HTR1F: variants seen among roughly 807,000 people sequenced by gnomAD.
The protein encoded by HTR1F is 5-hydroxytryptamine receptor 1F.
HTR1F carries 17 observed loss-of-function variants against 24.0 expected under a neutral mutation model. The observed-to-expected ratio is 0.71, with a 90% confidence interval of 0.48 to 1.06. The LOEUF (loss-of-function observed/expected upper bound fraction) is 1.06, where lower values mean the gene tolerates loss of function less well. HTR1F is among the 50% of genes least tolerant of loss of function. The probability of loss-of-function intolerance (pLI) is 0.00; values close to 1 mark genes in which losing one functional copy is unlikely to be tolerated. For missense variants in HTR1F, 391 were observed against 427.8 expected, an observed-to-expected ratio of 0.91 and a Z score of 0.76; for synonymous variants, 186 against 156.8, an observed-to-expected ratio of 1.19 and a Z score of -1.39.
At chr3:87,968,080 A>C (rs1338170389) in intron 2 of HTR1F, among the ~76,000 whole-genome samples, 5 of 152,222 alleles carry the variant, frequency 3.3e-5, no homozygotes, top group Non-Finnish European at 7.3e-5. Flanking sequence ...TGGAGATGAG[A>C]AACTTGTTGG....
At position 87,987,943 on chromosome 3, in the gene HTR1F, T is replaced by C. The variant is rs1576126292; in HGVS notation, c.-42-2765T>C. Among the ~76,000 whole-genome samples the C allele has an allele frequency of 2.0e-5, 3 of 150,576 alleles. No individual in the cohort carries two copies. The East Asian group carries it at 5.8e-4, about 29-fold the overall frequency. ...AATGAGAGACACTGAAAAAATTGTA[T>C]AGCATGAAATTCAGAGGACAAAAGT... is the stretch of plus-strand genomic sequence containing the variant. On this transcript the variant is annotated intron_variant, in intron 2 of 2. Transcript: ENST00000319595.
At chr3:87,903,916 C>T (rs1276813973) in intron 2 of HTR1F, among the ~76,000 whole-genome samples, 1 of 152,048 alleles carries the variant, frequency 6.6e-6, no homozygotes, top group South Asian at 2.1e-4. Flanking sequence ...TTTCTAATAA[C>T]CAAACGATTA....
At chr3:87,816,531 T>G (rs1164108010) in intron 1 of HTR1F, among the ~76,000 whole-genome samples, 2 of 152,182 alleles carry the variant, frequency 1.3e-5, no homozygotes, top group Non-Finnish European at 2.9e-5. Flanking sequence ...AATTTACCAT[T>G]CTGATTTTCT....
At chr3:87,960,518 T>C (rs1488635352) in intron 2 of HTR1F, among the ~76,000 whole-genome samples, 1 of 151,948 alleles carries the variant, frequency 6.6e-6, no homozygotes, top group African/African-American at 2.4e-5. Context: ...AGAACCTGTA[T>C]TGAATTTCAG....
At chr3:87,947,626 A>G (rs1392883224) in intron 2 of HTR1F, among the ~76,000 whole-genome samples, 4 of 152,184 alleles carry the variant, frequency 2.6e-5, no homozygotes, top group Non-Finnish European at 4.4e-5. Flanking sequence ...TCGACCCCAA[A>G]AGGCCAGCAA....
chr3:87,866,498 C>T (rs573245773), intron 2 of HTR1F, among the ~76,000 whole-genome samples: 6 of 151,820 alleles, frequency 4.0e-5, no homozygotes, highest in African/African-American at 7.3e-5. Flanking sequence ...GTACTACAAG[C>T]CATCACCAGA....
At chr3:87,960,990 T>G (rs1705046953) in intron 2 of HTR1F, among the ~76,000 whole-genome samples, 1 of 150,910 alleles carries the variant, frequency 6.6e-6, no homozygotes, top group Non-Finnish European at 1.5e-5. Flanking sequence ...AAAAGTGTAC[T>G]TGGTATGGTG....
intron 1 of HTR1F, among the ~76,000 whole-genome samples, chr3:87,793,902 T>G (rs1703858374): frequency 1.3e-5 from 2 of 150,170 alleles, no homozygotes; most frequent in African/African-American, 4.9e-5. Flanking sequence ...CATTAACCTC[T>G]CCCCCATATT....
Position 87,921,585 on chromosome 3 carries a change from T to C in HTR1F, c.-42-69123T>C, listed in dbSNP as rs1251670557. Among the ~76,000 whole-genome samples the C allele has an allele frequency of 2.0e-5, 3 of 151,902 alleles. No homozygotes were observed. The East Asian group carries it at 5.8e-4, about 29-fold the overall frequency. On this transcript the variant is annotated intron_variant, in intron 2 of 2. Coordinates refer to ENST00000319595, the MANE Select transcript of HTR1F (RefSeq NM_001322209.2). The stretch of plus-strand genomic sequence containing the variant: ...TTATCATTTCTTTTTGTTGTGAAGA[T>C]TCAAAACCATCTCTTTAGCTATTTA...
chr3:87,838,322 A>T (rs377736601), intron 2 of HTR1F, among the ~76,000 whole-genome samples: 2 of 152,020 alleles, frequency 1.3e-5, no homozygotes, highest in African/African-American at 4.8e-5. Context: ...GTTGTCCTGT[A>T]TTCCACCCTT....
chr3:87,933,381 G>T (rs1704331584), intron 2 of HTR1F, among the ~76,000 whole-genome samples: 1 of 151,930 alleles, frequency 6.6e-6, no homozygotes, highest in South Asian at 2.1e-4. Flanking sequence ...AGGAAATAAA[G>T]GGTATTCAAT....
chr3:87,988,034 T>C (rs760940980), intron 2 of HTR1F, among the ~76,000 whole-genome samples: 6 of 151,508 alleles, frequency 4.0e-5, no homozygotes, highest in African/African-American at 7.3e-5. Flanking sequence ...AAACAGCCTG[T>C]TGATTATGCC....
intron 2 of HTR1F, among the ~76,000 whole-genome samples, chr3:87,930,584 A>G (rs914133931): frequency 1.3e-5 from 2 of 152,310 alleles, no homozygotes; most frequent in African/African-American, 4.8e-5. Context: ...GTGATGAATC[A>G]TATTTATTGA....
At chr3:87,849,756 TTACAA>T (rs1705037950) in intron 2 of HTR1F, among the ~76,000 whole-genome samples, 1 of 151,468 alleles carries the variant, frequency 6.6e-6, no homozygotes. Flanking sequence ...TCAAACAAAT[TTACAA>T]GAAAAAACAA....
Position 87,937,228 on chromosome 3 carries a change from C to T in HTR1F, c.-42-53480C>T, listed in dbSNP as rs150527230. 4.5e-3 allele frequency among the ~76,000 whole-genome samples: 686 copies of T among 152,232 alleles called. 6 individuals are homozygous for T. Among genetic ancestry groups the T allele is most frequent in the African/African-American group, 0.013 (520 of 41,554 alleles). ...TGGTAAACATTGATGCAAAAATCCT[C>T]AACAAAATACTTGCAAACTGAATCC... On this transcript the variant is annotated intron_variant, in intron 2 of 2. Coordinates refer to ENST00000319595, the MANE Select transcript of HTR1F (RefSeq NM_001322209.2).
At chr3:87,945,594 T>A (rs1369480438) in intron 2 of HTR1F, among the ~76,000 whole-genome samples, 2 of 152,086 alleles carry the variant, frequency 1.3e-5, no homozygotes, top group East Asian at 3.9e-4. Flanking sequence ...TAGTTGGCCA[T>A]CGGCTTCCCC....
At chr3:87,908,598 A>C (rs1440045903) in intron 2 of HTR1F, among the ~76,000 whole-genome samples, 2 of 152,072 alleles carry the variant, frequency 1.3e-5, no homozygotes, top group Admixed American at 1.3e-4. Flanking sequence ...ACTTAGAGAA[A>C]GAATTTTATA....
chr3:87,851,914 A>T (rs1308596064), intron 2 of HTR1F, among the ~76,000 whole-genome samples: 1 of 151,402 alleles, frequency 6.6e-6, no homozygotes, highest in African/African-American at 2.4e-5. Flanking sequence ...GTTAAATGAA[A>T]ATAACAGTTT....
intron 1 of HTR1F, among the ~76,000 whole-genome samples, chr3:87,797,350 T>G (rs963394645): frequency 2.1e-4 from 32 of 152,296 alleles, no homozygotes; most frequent in Admixed American, 1.6e-3. Flanking sequence ...GGTGTTAAAA[T>G]TATTAGGCAG....
Sources: gnomAD v4.1 joint callset for allele counts (sites outside exome capture counted in the v4.1 genomes callset) on GRCh38, gnomAD v4.1.1 for gene constraint, MANE v1.5 for transcripts, NCBI Gene and HGNC (gene_info 2026-07-23, HGNC 2026-07-21) for gene names.